Variants in KATNBL1 observed in about 807,000 individuals in gnomAD.
KATNBL1 encodes the protein katanin regulatory subunit B1 like 1, also known as KATNB1-like protein 1.
KATNBL1 carries 28 observed loss-of-function variants against 44.7 expected under a neutral mutation model. The observed-to-expected ratio is 0.63, with a 90% confidence interval of 0.46 to 0.86. KATNBL1 has a LOEUF of 0.86. Among genes scored for constraint, KATNBL1 ranks in the 40% least tolerant of loss-of-function variants. The pLI is 0.00. For missense variants in KATNBL1, 272 were observed against 350.7 expected (o/e 0.78, Z 1.79); for synonymous variants, 78 against 114.9 (o/e 0.68, Z 2.06).
intron 4 of KATNBL1, among the ~76,000 whole-genome samples, chr15:34,149,322 A>T (rs1888398997): frequency 6.6e-6 from 1 of 152,230 alleles, no homozygotes; most frequent in Non-Finnish European, 1.5e-5. Context: ...GACAAAGACA[A>T]ATTAAGTACA....
intron 1 of KATNBL1, among the ~76,000 whole-genome samples, chr15:34,194,806 T>C (rs760096253): frequency 5.3e-5 from 8 of 152,012 alleles, no homozygotes; most frequent in South Asian, 2.1e-4. Flanking sequence ...AGAACACAAA[T>C]AGACATTCTT....
intron 9 of KATNBL1, chr15:34,142,615 C>G: frequency 2.5e-6 from 1 of 397,008 alleles, no homozygotes; most frequent in Non-Finnish European, 4.6e-6. Flanking sequence ...GCTCAAACAA[C>G]TCTGCTTTCA....
Position 34,145,668 on chromosome 15 carries a change from T to C in KATNBL1, c.789-177A>G, listed in dbSNP as rs551082760. The C allele has an allele frequency of 1.2e-4, 54 of 468,364 alleles. No individual in the cohort carries two copies. In the South Asian group the frequency reaches 3.6e-3, roughly 31 times the overall value. 29.0% of individuals were successfully genotyped at this position (468,364 alleles called of 1,614,324 possible). A position where few individuals can be genotyped will look rare whatever the true frequency, so the allele number is the denominator to read the frequency against. ...GGAGAGAAATTAAAAAAAAATCAAA[T>C]AACTTTTAGAATAATACATGTCAGT... On this transcript the variant is annotated intron_variant, in intron 8 of 9. Coordinates refer to ENST00000256544, the MANE Select transcript of KATNBL1 (RefSeq NM_024713.3).
intron 1 of KATNBL1, chr15:34,208,716 A>C (rs1179210350): frequency 6.6e-6 from 1 of 152,248 alleles, no homozygotes; most frequent in Non-Finnish European, 1.5e-5. Context: ...CTTAAGTATA[A>C]TCATCAAGAG....
intron 8 of KATNBL1, 61 bp from the exon 9 acceptor site, chr15:34,145,552 C>A: frequency 7.9e-7 from 1 of 1,259,290 alleles, no homozygotes; most frequent in South Asian, 2.2e-5. Context: ...AAACTTTCAT[C>A]ATAAATATGC....
At chr15:34,167,003 A>G (rs1044686135) in intron 1 of KATNBL1, among the ~76,000 whole-genome samples, 2 of 152,236 alleles carry the variant, frequency 1.3e-5, no homozygotes, top group African/African-American at 4.8e-5. Context: ...CCAGAGCAGA[A>G]AGGCTGAAAA....
chr15:34,160,271 C>T (rs548784236), intron 2 of KATNBL1, among the ~76,000 whole-genome samples: 1 of 152,224 alleles, frequency 6.6e-6, no homozygotes, highest in East Asian at 1.9e-4. Flanking sequence ...AGGTTCTGGC[C>T]CCATGGATAC....
chr15:34,182,059 T>C (rs978228179), intron 1 of KATNBL1, among the ~76,000 whole-genome samples: 1 of 151,652 alleles, frequency 6.6e-6, no homozygotes, highest in Admixed American at 6.6e-5. Context: ...CATAAAAAGA[T>C]TAAATAATTT....
At chr15:34,208,816 G>C (rs759503045) in intron 1 of KATNBL1, 4 of 152,188 alleles carry the variant, frequency 2.6e-5, no homozygotes, top group Non-Finnish European at 5.9e-5. Flanking sequence ...TGAAATGAAA[G>C]GGCTTTGTAA....
At chr15:34,161,397 G>T (rs948492471) in intron 2 of KATNBL1, among the ~76,000 whole-genome samples, 14 of 152,188 alleles carry the variant, frequency 9.2e-5, no homozygotes, top group African/African-American at 3.4e-4. Context: ...GAGGACCAGG[G>T]ACCCTTGCCC....
chr15:34,145,921 TTGAGAGCCTACAAAATAAATTGTGGC>T, intron 8 of KATNBL1: 1 of 151,394 alleles, frequency 6.6e-6, no homozygotes, highest in Admixed American at 6.6e-5. Flanking sequence ...GTAGAAAATT[TTGAGAGCCTACAAAATAAATTGTGGC>T]TTTTTTTTTT....
intron 9 of KATNBL1, 84 bp downstream of exon 9, chr15:34,145,314 C>G: frequency 7.6e-7 from 1 of 1,312,144 alleles, no homozygotes; most frequent in Non-Finnish European, 9.9e-7. Flanking sequence ...ATTATTTTGC[C>G]TAGAGACTTG....
intron 2 of KATNBL1, among the ~76,000 whole-genome samples, chr15:34,158,390 T>TG: frequency 6.6e-6 from 1 of 152,180 alleles, no homozygotes. Flanking sequence ...GAACTGCAGT[T>TG]GGGGGAAGAA....
At chr15:34,163,747 AAC>A (rs1888880305) in intron 1 of KATNBL1, 57 bp from the exon 2 acceptor site, 11 of 957,872 alleles carry the variant, frequency 1.1e-5, no homozygotes, top group Admixed American at 5.2e-5. Flanking sequence ...GATCATTTTT[AAC>A]ACACACACAA....
At chr15:34,154,793 G>A in intron 2 of KATNBL1, 109 bp from the exon 3 acceptor site, 1 of 754,984 alleles carries the variant, frequency 1.3e-6, no homozygotes, top group African/African-American at 1.7e-5. Flanking sequence ...TACTTCTGCA[G>A]AAGGGTGCCA....
intron 2 of KATNBL1, among the ~76,000 whole-genome samples, chr15:34,161,385 G>A (rs1048593292): frequency 2.0e-5 from 3 of 152,200 alleles, no homozygotes; most frequent in Admixed American, 1.3e-4. Context: ...CTCCTCATGG[G>A]AGAGGACCAG....
intron 2 of KATNBL1, among the ~76,000 whole-genome samples, chr15:34,160,925 A>AC (rs1473515680): frequency 2.0e-5 from 3 of 151,228 alleles, no homozygotes; most frequent in South Asian, 4.2e-4. Context: ...GAGGCTCAAC[A>AC]CCCCCCTGCT....
At chr15:34,184,102 G>C (rs1400838296) in intron 1 of KATNBL1, among the ~76,000 whole-genome samples, 2 of 152,270 alleles carry the variant, frequency 1.3e-5, no homozygotes, top group East Asian at 3.9e-4. Context: ...AGGAGATCGA[G>C]ACCATCCTGG....
intron 1 of KATNBL1, among the ~76,000 whole-genome samples, chr15:34,176,378 CA>C (rs956522721): frequency 3.5e-4 from 48 of 137,584 alleles, no homozygotes; most frequent in Admixed American, 3.6e-4. Context: ...AACTTCATCT[CA>C]AAAAAAAAAA....
Sources: allele counts gnomAD v4.1 joint callset (sites outside exome capture counted in the v4.1 genomes callset), GRCh38; gene constraint gnomAD v4.1.1; transcripts MANE v1.5; gene names NCBI Gene and HGNC (gene_info 2026-07-23, HGNC 2026-07-21).